UCHL3: variants seen among roughly 807,000 people sequenced by gnomAD.
UCHL3 encodes the protein ubiquitin carboxyl-terminal hydrolase isozyme L3.
Under a neutral mutation model 35.8 loss-of-function variants are expected in UCHL3, and 22 were observed. The observed-to-expected ratio is 0.61, with a 90% confidence interval of 0.44 to 0.88. The LOEUF (loss-of-function observed/expected upper bound fraction) is 0.88. Ranked by LOEUF, UCHL3 falls within the 40% of genes least tolerant of loss-of-function variation. The pLI is 0.00. For missense variants in UCHL3, 229 were observed against 276.9 expected (o/e 0.83, Z 1.23); for synonymous variants, 90 against 92.8 (o/e 0.97, Z 0.17).
chr13:75,563,363 G>A (rs971554375), intron 3 of UCHL3, among the ~76,000 whole-genome samples: 1 of 152,092 alleles, frequency 6.6e-6, no homozygotes, highest in Non-Finnish European at 1.5e-5. Context: ...TTTTAGTAGA[G>A]ACAGGGTTTC....
intron 2 of UCHL3, among the ~76,000 whole-genome samples, chr13:75,556,261 G>C (rs1317445974): frequency 6.6e-6 from 1 of 152,132 alleles, no homozygotes; most frequent in African/African-American, 2.4e-5. Flanking sequence ...TGTTTTCAGT[G>C]TTTCCTCATT....
chr13:75,582,690 G>A (rs2032219543), intron 6 of UCHL3, among the ~76,000 whole-genome samples: 1 of 152,150 alleles, frequency 6.6e-6, no homozygotes, highest in African/African-American at 2.4e-5. Flanking sequence ...TGAAAAATTA[G>A]CCATCTAGCT....
chr13:75,589,740 T>C lies in UCHL3; in HGVS notation c.475-5175T>C, dbSNP rs73223973. ...TGTACACATATAGAACTATGGCATA[T>C]AACCTGATACTTGGTTATATATTTC... On this transcript the variant is annotated intron_variant, in intron 6 of 8. Coordinates refer to ENST00000377595, the MANE Select transcript of UCHL3 (RefSeq NM_006002.5). Among the ~76,000 whole-genome samples the C allele has an allele frequency of 6.3e-3, 965 of 152,320 alleles. 10 individuals carry two copies. The highest frequency in any genetic ancestry group is 8.1e-3 in the Non-Finnish European group (549 of 68,030).
At chr13:75,549,509 A>C (rs2030991875), upstream of UCHL3, 1 of 364,884 alleles carries the variant, frequency 2.7e-6, no homozygotes, top group Non-Finnish European at 4.9e-6. Context: ...AGCGCTCGGC[A>C]AGGCTCGGCT....
intron 2 of UCHL3, among the ~76,000 whole-genome samples, chr13:75,554,251 A>G (rs1336764377): frequency 2.6e-5 from 4 of 152,054 alleles, no homozygotes; most frequent in African/African-American, 9.7e-5. Context: ...TTGTAGAGAC[A>G]AGATGGTTTT....
At chr13:75,602,887 C>T (rs756636304) in intron 7 of UCHL3, among the ~76,000 whole-genome samples, 3 of 152,132 alleles carry the variant, frequency 2.0e-5, no homozygotes, top group Non-Finnish European at 4.4e-5. Flanking sequence ...AGTTGTTTAA[C>T]AATCTTAGTC....
intron 2 of UCHL3, among the ~76,000 whole-genome samples, chr13:75,553,982 G>T (rs1171602629): frequency 6.6e-6 from 1 of 152,122 alleles, no homozygotes; most frequent in Non-Finnish European, 1.5e-5. Flanking sequence ...TGTAATCTCT[G>T]CTTTGCTATC....
At chr13:75,554,620 TG>T (rs1253066549) in intron 2 of UCHL3, among the ~76,000 whole-genome samples, 2 of 152,194 alleles carry the variant, frequency 1.3e-5, no homozygotes, top group East Asian at 3.8e-4. Context: ...CTTCTCCTTT[TG>T]CTTCCCTAAA....
At chr13:75,572,853 G>A (rs1439162450) in intron 6 of UCHL3, among the ~76,000 whole-genome samples, 1 of 152,194 alleles carries the variant, frequency 6.6e-6, no homozygotes, top group Non-Finnish European at 1.5e-5. Flanking sequence ...GTTGCCATAT[G>A]TTAGTGTCTC....
intron 2 of UCHL3, among the ~76,000 whole-genome samples, chr13:75,557,996 T>C (rs1039150613): frequency 3.3e-5 from 5 of 151,442 alleles, no homozygotes; most frequent in African/African-American, 1.2e-4. Context: ...GTGGTAAAAG[T>C]TGACCCTCTT....
intron 7 of UCHL3, among the ~76,000 whole-genome samples, chr13:75,595,726 T>C (rs1243878504): frequency 2.0e-5 from 3 of 151,916 alleles, no homozygotes; most frequent in African/African-American, 7.2e-5. Context: ...GCCTTTGTTT[T>C]CTTCAGGCAT....
chr13:75,560,845 C>A lies in UCHL3; in HGVS notation c.147C>A (p.Val49=). ...PELLSMVPRP[V]CAVLLLFPIT... ...TCCTTAGCATGGTACCAAGACCAGT[C>A]TGTGCAGTCTTACTTCTCTTTCCTA... Residue 49 remains valine (V), a synonymous_variant, in exon 3 of 9, where the codon GTC becomes GTA. Coordinates refer to ENST00000377595, the MANE Select transcript of UCHL3 (RefSeq NM_006002.5). 1 of 1,540,944 alleles carries A rather than the reference C, an allele frequency of 6.5e-7. No homozygotes were observed. Among genetic ancestry groups the A allele is most frequent in the Non-Finnish European group, 8.7e-7 (1 of 1,154,410 alleles).
chr13:75,594,435 A>G (rs773940830), intron 6 of UCHL3, among the ~76,000 whole-genome samples: 1 of 152,234 alleles, frequency 6.6e-6, no homozygotes, highest in Non-Finnish European at 1.5e-5. Flanking sequence ...ACATCAGATT[A>G]TCAAGTTCAA....
At chr13:75,602,378 T>C (rs1266105836) in intron 7 of UCHL3, among the ~76,000 whole-genome samples, 1 of 152,188 alleles carries the variant, frequency 6.6e-6, no homozygotes, top group Admixed American at 6.5e-5. Context: ...GGTTAGTTAC[T>C]ACCAAAAAGT....
At chr13:75,598,725 T>C (rs1359185114) in intron 7 of UCHL3, among the ~76,000 whole-genome samples, 1 of 152,216 alleles carries the variant, frequency 6.6e-6, no homozygotes, top group Non-Finnish European at 1.5e-5. Flanking sequence ...CCATTACTGG[T>C]GATGTTTAGT....
chr13:75,594,516 G>A (rs543154528), intron 6 of UCHL3, among the ~76,000 whole-genome samples: 3 of 152,152 alleles, frequency 2.0e-5, no homozygotes, highest in African/African-American at 7.2e-5. Context: ...GCTGTTAGGT[G>A]TAAAAATATT....
At chr13:75,554,871 C>T (rs1472108728) in intron 2 of UCHL3, among the ~76,000 whole-genome samples, 1 of 152,072 alleles carries the variant, frequency 6.6e-6, no homozygotes, top group Admixed American at 6.6e-5. Flanking sequence ...AAACCTAGTA[C>T]CTAATAGTTA....
chr13:75,604,772 G>A lies in UCHL3; in HGVS notation c.554G>A (p.Gly185Glu). Residue 185 changes from glycine to glutamate, a missense_variant, in exon 8 of 9, where the codon GGG (glycine) becomes GAG (glutamate). Coordinates refer to ENST00000377595, the MANE Select transcript of UCHL3 (RefSeq NM_006002.5). Reference protein sequence around the residue: ...HVDGHLYELDGRKPFPINHGE... With the variant: ...HVDGHLYELDERKPFPINHGE... Reference sequence around the variant, plus strand: ...ATTGTTTGTCTGTTTTCCACAGATGGGCGGAAGCCATTTCCAATTAACCAT... The same window carrying A: ...ATTGTTTGTCTGTTTTCCACAGATGAGCGGAAGCCATTTCCAATTAACCAT... The A allele has an allele frequency of 6.3e-7, 1 of 1,596,690 alleles. No individual in the cohort carries two copies. The highest frequency in any genetic ancestry group is 8.5e-7 in the Non-Finnish European group (1 of 1,171,638).
At chr13:75,598,685 A>T (rs1416818414) in intron 7 of UCHL3, among the ~76,000 whole-genome samples, 1 of 152,222 alleles carries the variant, frequency 6.6e-6, no homozygotes, top group Non-Finnish European at 1.5e-5. Flanking sequence ...TCAGTGCATC[A>T]TATCGAGAGG....
Sources: gnomAD v4.1 joint callset for allele counts (sites outside exome capture counted in the v4.1 genomes callset) on GRCh38, gnomAD v4.1.1 for gene constraint, MANE v1.5 for transcripts, NCBI Gene and HGNC (gene_info 2026-07-23, HGNC 2026-07-21) for gene names.